Variants in DIS3L2 observed in about 807,000 individuals in gnomAD.
DIS3L2 encodes the protein DIS3-like exonuclease 2.
Under a neutral mutation model 97.5 loss-of-function variants are expected in DIS3L2, and 34 were observed. The observed-to-expected ratio is 0.35, with a 90% CI of 0.27 to 0.46. DIS3L2 has a LOEUF of 0.46. DIS3L2 is among the 20% of genes least tolerant of loss of function. DIS3L2 has a pLI of 1.00. For missense variants in DIS3L2, 1,038 were observed against 1,146.0 expected, an observed-to-expected ratio of 0.91 and a Z score of 1.36; for synonymous variants, 435 against 445.2, an observed-to-expected ratio of 0.98 and a Z score of 0.29.
chr2:232,020,939 G>A (rs996680937), intron 3 of DIS3L2, among the ~76,000 whole-genome samples: 10 of 152,118 alleles, frequency 6.6e-5, no homozygotes, highest in African/African-American at 2.4e-4. Context: ...GGTGGTTGCT[G>A]TCATTTGGAG....
At chr2:232,275,378 G>A (rs978499175) in intron 13 of DIS3L2, among the ~76,000 whole-genome samples, 2 of 152,210 alleles carry the variant, frequency 1.3e-5, no homozygotes, top group African/African-American at 4.8e-5. Context: ...GGGCACAGAA[G>A]AGGTATGCAG....
chr2:232,283,050 CTA>C (rs1694338231), intron 13 of DIS3L2, among the ~76,000 whole-genome samples: 1 of 152,314 alleles, frequency 6.6e-6, no homozygotes, highest in East Asian at 1.9e-4. Context: ...GCCTTATTTT[CTA>C]TAAAGAAGCA....
At chr2:232,176,394 C>T (rs1005112513) in intron 9 of DIS3L2, among the ~76,000 whole-genome samples, 5 of 152,058 alleles carry the variant, frequency 3.3e-5, no homozygotes, top group Non-Finnish European at 5.9e-5. Flanking sequence ...TTTTGTTGAT[C>T]TTTTCACATA....
chr2:232,291,016 A>G (rs1694584651), intron 13 of DIS3L2, among the ~76,000 whole-genome samples: 1 of 151,832 alleles, frequency 6.6e-6, no homozygotes, highest in South Asian at 2.1e-4. Flanking sequence ...GCTCTTTCTC[A>G]CTCTTATTTT....
intron 6 of DIS3L2, among the ~76,000 whole-genome samples, chr2:232,126,090 G>A (rs1698057692): frequency 6.6e-6 from 1 of 152,142 alleles, no homozygotes; most frequent in South Asian, 2.1e-4. Flanking sequence ...GGTTCTGATT[G>A]TGTCTCACCT....
At chr2:231,971,934 C>T (rs1381680719) in intron 1 of DIS3L2, among the ~76,000 whole-genome samples, 1 of 150,406 alleles carries the variant, frequency 6.6e-6, no homozygotes, top group East Asian at 2.1e-4. Context: ...CGCCTGTAAT[C>T]CCAGCACTTT....
intron 8 of DIS3L2, among the ~76,000 whole-genome samples, chr2:232,158,202 A>G (rs894065044): frequency 6.6e-6 from 1 of 151,222 alleles, no homozygotes; most frequent in African/African-American, 2.4e-5. Context: ...CATCCCTTAC[A>G]ATGGATTTAA....
chr2:232,258,774 T>C (rs1342987062), intron 12 of DIS3L2, among the ~76,000 whole-genome samples: 1 of 152,172 alleles, frequency 6.6e-6, no homozygotes, highest in East Asian at 1.9e-4. Context: ...AGTTTCCAAA[T>C]TGGAAAGTAA....
intron 1 of DIS3L2, among the ~76,000 whole-genome samples, chr2:231,993,154 C>T (rs969226363): frequency 6.6e-6 from 1 of 152,220 alleles, no homozygotes; most frequent in Non-Finnish European, 1.5e-5. Flanking sequence ...GATCTCTACC[C>T]CTCTATCCTC....
chr2:232,316,853 C>A (rs1354590024), intron 14 of DIS3L2, among the ~76,000 whole-genome samples: 1 of 152,104 alleles, frequency 6.6e-6, no homozygotes, highest in Non-Finnish European at 1.5e-5. Flanking sequence ...GATAAAAGAT[C>A]AGTTAGCTGG....
chr2:232,199,640 A>G (rs936541452), intron 9 of DIS3L2, among the ~76,000 whole-genome samples: 1 of 152,230 alleles, frequency 6.6e-6, no homozygotes, highest in Non-Finnish European at 1.5e-5. Context: ...AAGAGAAGTA[A>G]TAGTATTTGA....
At chr2:232,019,463 G>A (rs780584475) in intron 3 of DIS3L2, among the ~76,000 whole-genome samples, 5 of 151,852 alleles carry the variant, frequency 3.3e-5, no homozygotes, top group African/African-American at 1.2e-4. Flanking sequence ...CAGGAGGATC[G>A]CTTGAGTCCT....
At chr2:232,019,291 C>T (rs2106226604) in intron 3 of DIS3L2, among the ~76,000 whole-genome samples, 1 of 152,280 alleles carries the variant, frequency 6.6e-6, no homozygotes, top group South Asian at 2.1e-4. Flanking sequence ...GTGGCTCACG[C>T]CTGTAATCCC....
chr2:232,264,563 C>T lies in DIS3L2; in HGVS notation c.1659+1123C>T, dbSNP rs1162902290. 2.6e-5 allele frequency among the ~76,000 whole-genome samples: 4 copies of T among 151,814 alleles called. No homozygotes were observed. The East Asian group carries it at 5.8e-4, about 22-fold the overall frequency. ...CCTTCATTTATATTTCTCACCCAAACACTCCTTCCTTGCTTGTTGTGTGCT... is the reference window on the plus strand; with the variant it reads ...CCTTCATTTATATTTCTCACCCAAATACTCCTTCCTTGCTTGTTGTGTGCT... On this transcript the variant is annotated intron_variant, in intron 13 of 20. Transcript: ENST00000325385.
At chr2:231,962,584 G>A (rs1004611961) in intron 1 of DIS3L2, among the ~76,000 whole-genome samples, 15 of 151,898 alleles carry the variant, frequency 9.9e-5, no homozygotes, top group Non-Finnish European at 1.8e-4. Flanking sequence ...ACAGGCGCCC[G>A]CCACCCCGCC....
chr2:232,189,338 A>C (rs1691545786), intron 9 of DIS3L2, among the ~76,000 whole-genome samples: 1 of 152,252 alleles, frequency 6.6e-6, no homozygotes, highest in Non-Finnish European at 1.5e-5. Flanking sequence ...GTCCTTCAGC[A>C]GATGAATGGT....
intron 6 of DIS3L2, among the ~76,000 whole-genome samples, chr2:232,094,423 A>G (rs1370877587): frequency 6.6e-6 from 1 of 152,008 alleles, no homozygotes; most frequent in Non-Finnish European, 1.5e-5. Context: ...GGGTGTTGAA[A>G]TCTCCAGCTG....
At chr2:231,984,688 C>T (rs2106183196) in intron 1 of DIS3L2, among the ~76,000 whole-genome samples, 1 of 152,282 alleles carries the variant, frequency 6.6e-6, no homozygotes, top group South Asian at 2.1e-4. Context: ...CCACCGCGCC[C>T]AGCCAACTGC....
chr2:232,011,483 G>A (rs1349621263), intron 1 of DIS3L2, among the ~76,000 whole-genome samples: 1 of 151,662 alleles, frequency 6.6e-6, no homozygotes, highest in African/African-American at 2.4e-5. Flanking sequence ...CTCCTAAGTA[G>A]CTGGGAGTAC....
Sources: allele counts gnomAD v4.1 joint callset (sites outside exome capture counted in the v4.1 genomes callset), GRCh38; gene constraint gnomAD v4.1.1; transcripts MANE v1.5; gene names NCBI Gene and HGNC (gene_info 2026-07-23, HGNC 2026-07-21).